GABRG2: variants seen among roughly 807,000 people sequenced by gnomAD.
GABRG2 encodes gamma-aminobutyric acid type A receptor subunit gamma2.
In GABRG2, 16 loss-of-function variants were observed where a neutral mutation model predicts 56.4. The observed-to-expected ratio is 0.28, with a 90% CI of 0.19 to 0.43. GABRG2 has a LOEUF of 0.43. Among genes scored for constraint, GABRG2 ranks in the 20% least tolerant of loss-of-function variants. The pLI, the probability that GABRG2 is intolerant of heterozygous loss-of-function variation, is 1.00. For missense variants in GABRG2, 327 were observed against 582.7 expected (o/e 0.56, Z 4.52); for synonymous variants, 208 against 205.5 (o/e 1.01, Z -0.10).
At chr5:162,088,340 A>C (rs1242441626) in intron 1 of GABRG2, among the ~76,000 whole-genome samples, 1 of 152,160 alleles carries the variant, frequency 6.6e-6, no homozygotes, top group Non-Finnish European at 1.5e-5. Flanking sequence ...CACCTTTTGC[A>C]GTGGCTGAAG....
chr5:162,094,192 T>C (rs1009346235), intron 2 of GABRG2: 6 of 562,986 alleles, frequency 1.1e-5, no homozygotes, highest in Admixed American at 3.1e-5. Flanking sequence ...CAAGTGAAGC[T>C]TGAGAGCTAG....
chr5:162,151,647 T>G, intron 8 of GABRG2, 83 bp from the exon 9 acceptor site: 1 of 1,186,242 alleles, frequency 8.4e-7, no homozygotes, highest in East Asian at 2.3e-5. Context: ...TTAATTTATC[T>G]TGTCTCTCTC....
intron 1 of GABRG2, among the ~76,000 whole-genome samples, chr5:162,081,164 A>G (rs1310487615): frequency 1.3e-5 from 2 of 152,108 alleles, no homozygotes; most frequent in Admixed American, 6.6e-5. Context: ...TACAAAATTA[A>G]TAGGAAACCA....
At chr5:162,112,987 C>G (rs1439380753) in intron 6 of GABRG2, among the ~76,000 whole-genome samples, 1 of 152,000 alleles carries the variant, frequency 6.6e-6, no homozygotes, top group Middle Eastern at 3.2e-3. Context: ...GAGTCTCGCT[C>G]TGTTACCCAG....
intron 1 of GABRG2, among the ~76,000 whole-genome samples, chr5:162,093,465 T>C (rs1244646691): frequency 6.6e-6 from 1 of 152,154 alleles, no homozygotes; most frequent in Non-Finnish European, 1.5e-5. Flanking sequence ...ACATTATACC[T>C]GAATTCTTAG....
chr5:162,136,021 T>C (rs576125674), intron 6 of GABRG2, among the ~76,000 whole-genome samples: 1 of 152,226 alleles, frequency 6.6e-6, no homozygotes, highest in Admixed American at 6.5e-5. Flanking sequence ...GTAGAGAACA[T>C]TTCAGAAGTT....
intron 6 of GABRG2, among the ~76,000 whole-genome samples, chr5:162,132,774 G>A (rs1763849069): frequency 6.6e-6 from 1 of 151,972 alleles, no homozygotes; most frequent in Non-Finnish European, 1.5e-5. Context: ...AACCATGAGA[G>A]CTAAGAATGG....
At chr5:162,109,233 G>A (rs571468359) in intron 6 of GABRG2, among the ~76,000 whole-genome samples, 1 of 151,504 alleles carries the variant, frequency 6.6e-6, no homozygotes, top group Non-Finnish European at 1.5e-5. Context: ...CACACACTGG[G>A]GCCTGTTGTG....
chr5:162,082,054 C>A (rs987792205), intron 1 of GABRG2, among the ~76,000 whole-genome samples: 1 of 151,638 alleles, frequency 6.6e-6, no homozygotes, highest in Non-Finnish European at 1.5e-5. Flanking sequence ...GTTTTTTTCC[C>A]CTTGAGAGTA....
chr5:162,070,597 G>C (rs1758594937), intron 1 of GABRG2, among the ~76,000 whole-genome samples: 1 of 151,822 alleles, frequency 6.6e-6, no homozygotes, highest in Non-Finnish European at 1.5e-5. Context: ...CCCTCATTAA[G>C]TGACAAAATT....
chr5:162,103,128 A>G (rs1761556021), intron 5 of GABRG2: 1 of 153,786 alleles, frequency 6.5e-6, no homozygotes. Context: ...ATTCTGTGAG[A>G]TAAGTACTAT....
chr5:162,124,626 A>T (rs1763199422), intron 6 of GABRG2, among the ~76,000 whole-genome samples: 1 of 151,772 alleles, frequency 6.6e-6, no homozygotes, highest in Non-Finnish European at 1.5e-5. Flanking sequence ...TGGTAGTGTT[A>T]TTCTAATGAA....
intron 2 of GABRG2, among the ~76,000 whole-genome samples, chr5:162,095,101 A>G (rs1760899425): frequency 6.6e-6 from 1 of 152,114 alleles, no homozygotes; most frequent in Admixed American, 6.6e-5. Flanking sequence ...TGAGTTATTA[A>G]GCAATTATTT....
At chr5:162,134,042 A>G (rs1233109078) in intron 6 of GABRG2, among the ~76,000 whole-genome samples, 1 of 152,194 alleles carries the variant, frequency 6.6e-6, no homozygotes, top group African/African-American at 2.4e-5. Context: ...AGCTTTCTAT[A>G]TTAACCACAT....
chr5:162,081,370 G>A (rs529982463), intron 1 of GABRG2, among the ~76,000 whole-genome samples: 41 of 151,976 alleles, frequency 2.7e-4, no homozygotes, highest in South Asian at 8.3e-4. Context: ...TGACCTCTTC[G>A]TGTATACTTA....
intron 6 of GABRG2, among the ~76,000 whole-genome samples, chr5:162,111,566 A>G (rs1264802607): frequency 6.6e-6 from 1 of 152,176 alleles, no homozygotes; most frequent in Non-Finnish European, 1.5e-5. Context: ...TGGGAAATGT[A>G]GCTCAATTTT....
intron 7 of GABRG2, 105 bp downstream of exon 7, chr5:162,142,421 T>A: frequency 8.5e-7 from 1 of 1,175,416 alleles, no homozygotes; most frequent in Non-Finnish European, 1.3e-6. Flanking sequence ...AGCCTGCAAT[T>A]GCATAGAAAT....
chr5:162,149,166 C>G lies in GABRG2; in HGVS notation c.981C>G (p.Pro327=), dbSNP rs1359283950. ...GCACCATTGCCCGGAAATCGCTCCC[C>G]AAGGTCTCCTATGTCACAGCGATGG... The part of the protein sequence containing the change: ...TLSTIARKSL[P]KVSYVTAMDL... Residue 327 remains proline, a synonymous_variant, in exon 8 of 10, where the codon CCC becomes CCG. Transcript: ENST00000639213. 3.7e-6 allele frequency: 6 copies of G among 1,614,008 alleles called. No individual in the cohort carries two copies. In the African/African-American group the frequency reaches 8.0e-5, roughly 22 times the overall value.
At chr5:162,100,137 T>C (rs1238273032) in intron 4 of GABRG2, 1 of 152,096 alleles carries the variant, frequency 6.6e-6, no homozygotes, top group Non-Finnish European at 1.5e-5. Flanking sequence ...CAAGTTCAGG[T>C]ACAATAAATG....
Sources: allele counts gnomAD v4.1 joint callset (sites outside exome capture counted in the v4.1 genomes callset), GRCh38; gene constraint gnomAD v4.1.1; transcripts MANE v1.5; gene names NCBI Gene and HGNC (gene_info 2026-07-23, HGNC 2026-07-21).